Variants in RARG observed in about 807,000 individuals in gnomAD.
RARG encodes the protein RAR-gamma.
RARG carries 17 observed loss-of-function variants against 43.7 expected under a neutral mutation model. The observed-to-expected ratio is 0.39, with a 90% confidence interval of 0.27 to 0.58. RARG has a LOEUF of 0.58. Ranked by LOEUF, RARG falls within the 20% of genes least tolerant of loss-of-function variation. The pLI is 0.57. For synonymous variants in RARG, 238 were observed against 236.4 expected (o/e 1.01, Z -0.06); for missense variants, 346 against 598.7 (o/e 0.58, Z 4.40).
chr12:53,216,558 G>A (rs1454196002), intron 3 of RARG, among the ~76,000 whole-genome samples: 1 of 152,160 alleles, frequency 6.6e-6, no homozygotes, highest in Non-Finnish European at 1.5e-5. Flanking sequence ...GCAGATCCAA[G>A]TGGCTGTGAG....
In RARG at chr12:53,213,979, A is replaced by G; in HGVS notation, c.813+80T>C. The G allele has an allele frequency of 2.0e-6, 3 of 1,478,672 alleles. No homozygotes were observed. Among genetic ancestry groups the G allele is most frequent in the African/African-American group, 1.4e-5 (1 of 71,936 alleles). 91.6% of individuals were successfully genotyped at this position (1,478,672 alleles called of 1,614,324 possible). On this transcript the variant is annotated intron_variant, in intron 7 of 9. Coordinates refer to ENST00000425354, the MANE Select transcript of RARG (RefSeq NM_000966.6). This position sits in a 1 kb window ranked among gnomAD's most constrained non-coding sequence, Gnocchi z 4.7. ...TGTGGCAGGGGGTGCAGGGTAAGGAAATCTTTGCATGGATCAAGGAATTGT... is the reference window on the plus strand; with the variant it reads ...TGTGGCAGGGGGTGCAGGGTAAGGAGATCTTTGCATGGATCAAGGAATTGT...
intron 3 of RARG, among the ~76,000 whole-genome samples, chr12:53,221,768 C>A (rs1942970428): frequency 6.6e-6 from 1 of 151,656 alleles, no homozygotes; most frequent in South Asian, 2.1e-4. Context: ...GCCGGGCCGC[C>A]CGGCCTGCCT....
chr12:53,229,679 C>T (rs2120741161), intron 2 of RARG, among the ~76,000 whole-genome samples: 1 of 152,330 alleles, frequency 6.6e-6, no homozygotes. Context: ...GCCCCTGGGC[C>T]ACAGCTCAAC....
chr12:53,214,406 A>C (rs753958993), intron 6 of RARG, 40 bp downstream of exon 6: 2 of 1,596,076 alleles, frequency 1.3e-6, no homozygotes, highest in Admixed American at 3.4e-5. Context: ...CCCCAAAGTG[A>C]AGAGTGCCCT....
intron 3 of RARG, among the ~76,000 whole-genome samples, chr12:53,224,947 G>A (rs563895650): frequency 2.9e-4 from 44 of 152,258 alleles, no homozygotes; most frequent in African/African-American, 6.5e-4. Flanking sequence ...CAAGGGGGAC[G>A]TCACTGGGGA....
Position 53,211,740 on chromosome 12 carries a change from T to C in RARG, c.1301A>G (p.Asn434Ser). 1 of 1,568,524 alleles carries C rather than the reference T, an allele frequency of 6.4e-7. No individual in the cohort carries two copies. The highest frequency in any genetic ancestry group is 8.6e-7 in the Non-Finnish European group (1 of 1,157,946). ...AGGAACCTCATCCTCGCTAGAGGCA[T>C]TGGGGTGGGGACCAGGCTGCGAGGA... is the stretch of plus-strand genomic sequence containing the variant. Reference protein sequence around the residue: ...DDSSQPGPHPNASSEDEVPGG... With the variant: ...DDSSQPGPHPSASSEDEVPGG... The change falls in exon 10 of 10, where the codon AAT becomes AGT. Residue 434 changes from asparagine (N) to serine (S), a missense_variant. This residue lies in a region of RARG where 40 missense variants were observed against 44.6 expected (regional missense o/e 0.90). Coordinates refer to ENST00000425354, the MANE Select transcript of RARG (RefSeq NM_000966.6). This position sits in a 1 kb window ranked among gnomAD's most constrained non-coding sequence, Gnocchi z 4.6.
rs918079670 is a variant in RARG, at chr12:53,227,071, T to C, written c.184+291A>G. On this transcript the variant is annotated intron_variant, in intron 3 of 9. Transcript: ENST00000425354. The surrounding 1 kb of genome is among the most constrained non-coding windows in gnomAD (Gnocchi z 4.3). ...ACACAAAGGTATTCCCCTCTACTAGTTGACTGACCCAGGAGGCAGTTTTAG... is the reference window on the plus strand; with the variant it reads ...ACACAAAGGTATTCCCCTCTACTAGCTGACTGACCCAGGAGGCAGTTTTAG... Among the ~76,000 whole-genome samples, 4 of 152,062 alleles carry C rather than the reference T, an allele frequency of 2.6e-5. No homozygotes were observed. Among genetic ancestry groups the C allele is most frequent in the African/African-American group, 7.2e-5 (3 of 41,382 alleles).
At chr12:53,217,548 C>T (rs1217393506) in intron 3 of RARG, among the ~76,000 whole-genome samples, 1 of 152,194 alleles carries the variant, frequency 6.6e-6, no homozygotes, top group African/African-American at 2.4e-5. Flanking sequence ...CCGGGGGCAA[C>T]TTTTCCTGTC....
At chr12:53,219,964 G>A (rs1942902334) in intron 3 of RARG, 1 of 1,516,184 alleles carries the variant, frequency 6.6e-7, no homozygotes, top group Non-Finnish European at 8.9e-7. Flanking sequence ...CAGGCTGGCG[G>A]GTTGCGGCCA....
At chr12:53,214,333 T>G in intron 6 of RARG, 98 bp from the exon 7 acceptor site, 4 of 1,535,960 alleles carry the variant, frequency 2.6e-6, no homozygotes, top group Non-Finnish European at 3.6e-6. Context: ...TCCTCTGCAT[T>G]CTGATGCCCT....
intron 3 of RARG, among the ~76,000 whole-genome samples, chr12:53,217,857 C>T (rs756803458): frequency 1.1e-4 from 16 of 152,204 alleles, no homozygotes; most frequent in Non-Finnish European, 1.8e-4. Context: ...TTATAACCGG[C>T]TGTAAACGCT....
Position 53,212,367 on chromosome 12 carries a change from G to A in RARG, c.1178-504C>T, listed in dbSNP as rs1197107973. 2.6e-5 allele frequency among the ~76,000 whole-genome samples: 4 copies of A among 152,180 alleles called. No individual in the cohort carries two copies. In the East Asian group the frequency reaches 7.7e-4, roughly 29 times the overall value. On this transcript the variant is annotated intron_variant, in intron 9 of 9. Coordinates refer to ENST00000425354, the MANE Select transcript of RARG (RefSeq NM_000966.6). ...ATGTGACTACTGCAACTGCAGAATG[G>A]AATTTTTAATTCAGCACAATTCTAA...
chr12:53,216,841 T>TGTGCGCGCGC (rs1430491578), intron 3 of RARG, among the ~76,000 whole-genome samples: 1 of 129,384 alleles, frequency 7.7e-6, no homozygotes, highest in Non-Finnish European at 1.6e-5. Context: ...TGTGTGTGTG[T>TGTGCGCGCGC]GCGCGCGCGC....
chr12:53,230,856 TG>T (rs1251790844), intron 2 of RARG, among the ~76,000 whole-genome samples: 21 of 151,356 alleles, frequency 1.4e-4, no homozygotes, highest in African/African-American at 5.1e-4. Context: ...TGTGTGTGTG[TG>T]TGTGTGTGTG....
At chr12:53,212,978 T>C in intron 9 of RARG, 107 bp downstream of exon 9, 1 of 1,226,854 alleles carries the variant, frequency 8.2e-7, no homozygotes, top group African/African-American at 1.6e-5. Flanking sequence ...CAGTGTAGAT[T>C]GCCTGGTTCT....
At position 53,227,288 on chromosome 12, in the gene RARG, C is replaced by A. The variant is rs1943131345; in HGVS notation, c.184+74G>T. On this transcript the variant is annotated intron_variant, in intron 3 of 9. Coordinates refer to ENST00000425354, the MANE Select transcript of RARG (RefSeq NM_000966.6). The surrounding 1 kb of genome is among the most constrained non-coding windows in gnomAD (Gnocchi z 4.3). Reference sequence around the variant, plus strand: ...CCTGCCTTCCTAACTGGGGTGCCAACTCTTTTACCATCCACCCTCCTGATG... The same window carrying A: ...CCTGCCTTCCTAACTGGGGTGCCAAATCTTTTACCATCCACCCTCCTGATG... 4.9e-6 allele frequency: 7 copies of A among 1,429,878 alleles called. No homozygotes were observed. The highest frequency in any genetic ancestry group is 5.6e-6 in the Non-Finnish European group (6 of 1,072,118). 88.6% of individuals were successfully genotyped at this position (1,429,878 alleles called of 1,614,324 possible).
intron 3 of RARG, among the ~76,000 whole-genome samples, chr12:53,222,553 G>A (rs1217369760): frequency 6.6e-6 from 1 of 152,166 alleles, no homozygotes; most frequent in Non-Finnish European, 1.5e-5. Flanking sequence ...TTGGGAGGAG[G>A]GCACAGGAGG....
Position 53,213,709 on chromosome 12 carries a change from G to T in RARG, c.814-9C>A. ...GTGCAGATACGCAGCATCTGGAGGT[G>T]GGGGGTGGAGGAGGGTTAGTGCTGT... On this transcript the variant is annotated splice_polypyrimidine_tract_variant and intron_variant, in intron 7 of 9. Transcript: ENST00000425354. The surrounding 1 kb of genome is among the most constrained non-coding windows in gnomAD (Gnocchi z 4.7). The T allele has an allele frequency of 1.9e-6, 3 of 1,602,636 alleles. No individual in the cohort carries two copies. The highest frequency in any genetic ancestry group is 2.6e-6 in the Non-Finnish European group (3 of 1,170,582).
At chr12:53,216,841 T>TGCGCGC (rs61199415) in intron 3 of RARG, among the ~76,000 whole-genome samples, 20 of 129,436 alleles carry the variant, frequency 1.5e-4, no homozygotes, top group South Asian at 2.7e-4. Flanking sequence ...TGTGTGTGTG[T>TGCGCGC]GCGCGCGCGC....
Sources: allele counts gnomAD v4.1 joint callset (sites outside exome capture counted in the v4.1 genomes callset), GRCh38; gene constraint gnomAD v4.1.1; regional missense constraint gnomAD v4.1.1; non-coding constraint Gnocchi (gnomAD v3.1); transcripts MANE v1.5; gene names NCBI Gene and HGNC (gene_info 2026-07-23, HGNC 2026-07-21).